The following INPP4B variants were observed in gnomAD, a reference collection of about 807,000 sequenced individuals.
INPP4B encodes the protein inositol polyphosphate-4-phosphatase type II B.
INPP4B carries 55 observed loss-of-function variants against 122.5 expected under a neutral mutation model. That is an observed-to-expected ratio of 0.45 (90% CI 0.36 to 0.56). The LOEUF (loss-of-function observed/expected upper bound fraction) is 0.56. Among genes scored for constraint, INPP4B ranks in the 20% least tolerant of loss-of-function variants. The pLI, the probability that INPP4B is intolerant of heterozygous loss-of-function variation, is 0.00. For synonymous variants in INPP4B, 403 were observed against 388.7 expected, an observed-to-expected ratio of 1.04 and a Z score of -0.43; for missense variants, 1,000 against 1,097.7, an observed-to-expected ratio of 0.91 and a Z score of 1.26.
intron 2 of INPP4B, among the ~76,000 whole-genome samples, chr4:142,567,432 G>A: frequency 6.6e-6 from 1 of 152,218 alleles, no homozygotes; most frequent in South Asian, 2.1e-4. Flanking sequence ...GGTGGTGAAA[G>A]TTGTTCTTTA....
chr4:142,252,986 G>T (rs576194798), intron 11 of INPP4B, among the ~76,000 whole-genome samples: 12 of 152,162 alleles, frequency 7.9e-5, no homozygotes, highest in Non-Finnish European at 1.5e-4. Flanking sequence ...ACACACCTAC[G>T]CTCCAGGGTA....
intron 9 of INPP4B, among the ~76,000 whole-genome samples, chr4:142,294,829 C>CAAAAGAAAAAAAAAAAA (rs1757907569): frequency 3.5e-5 from 1 of 28,462 alleles, no homozygotes. Context: ...GACTCCGTCT[C>CAAAAGAAAAAAAAAAAA]AAAAAAAAAA....
At chr4:142,100,115 G>T (rs1459594047) in intron 23 of INPP4B, among the ~76,000 whole-genome samples, 1 of 152,034 alleles carries the variant, frequency 6.6e-6, no homozygotes, top group Non-Finnish European at 1.5e-5. Context: ...CTGATCAATC[G>T]CTGATATGCC....
At chr4:142,834,594 T>C (rs1438997153) in intron 1 of INPP4B, among the ~76,000 whole-genome samples, 1 of 152,186 alleles carries the variant, frequency 6.6e-6, no homozygotes, top group Non-Finnish European at 1.5e-5. Flanking sequence ...TAAAATCTTC[T>C]CATTTTTTAT....
In INPP4B at chr4:142,431,208, T is replaced by G. The variant is rs941942858; in HGVS notation, c.52A>C (p.Thr18Pro). 1.2e-6 allele frequency: 2 copies of G among 1,613,434 alleles called. No individual in the cohort carries two copies. Among genetic ancestry groups the G allele is most frequent in the Non-Finnish European group, 1.7e-6 (2 of 1,179,470 alleles). ...TCCCCGGGATCATTGGCCTGGGCTG[T>G]AGGAAGAAAGTGCTGCCCTTCTTCT... Reference protein sequence around the residue: ...ASEEGQHFLPTAQANDPGDCQ... With the variant: ...ASEEGQHFLPPAQANDPGDCQ... Residue 18 changes from threonine (T) to proline (P), a missense_variant, in exon 4 of 26, where the codon ACA becomes CCA. Thr to Pro is a conservative substitution (Grantham distance 38). Coordinates refer to ENST00000262992, the MANE Select transcript of INPP4B (RefSeq NM_001101669.3).
chr4:142,784,408 T>TAAAAAAAA (rs772362201), intron 1 of INPP4B, among the ~76,000 whole-genome samples: 26 of 133,466 alleles, frequency 1.9e-4, no homozygotes, highest in Middle Eastern at 3.9e-3. Context: ...AATAAATAAA[T>TAAAAAAAA]AAAAATTAAA....
Position 142,663,892 on chromosome 4 carries a change from G to A in INPP4B, c.-191+61947C>T, listed in dbSNP as rs1316613434. On this transcript the variant is annotated intron_variant, in intron 2 of 25. Transcript: ENST00000262992. ...TGATGAATTATAGAAAGAAACTCAA[G>A]ATGTATTTTTAAAAAATGTTTGCTT... Among the ~76,000 whole-genome samples, 4 of 152,106 alleles carry A rather than the reference G, an allele frequency of 2.6e-5. No homozygotes were observed. The South Asian group carries it at 8.3e-4, about 32-fold the overall frequency.
At chr4:142,749,524 A>G (rs1475982351) in intron 1 of INPP4B, among the ~76,000 whole-genome samples, 1 of 151,596 alleles carries the variant, frequency 6.6e-6, no homozygotes, top group Admixed American at 6.6e-5. Flanking sequence ...CATCGTTTTA[A>G]GAATCCATTT....
chr4:142,479,987 C>G (rs1320616132), intron 2 of INPP4B, among the ~76,000 whole-genome samples: 1 of 152,100 alleles, frequency 6.6e-6, no homozygotes, highest in Non-Finnish European at 1.5e-5. Flanking sequence ...TCCTTCTTAA[C>G]TAATGTACAG....
intron 2 of INPP4B, among the ~76,000 whole-genome samples, chr4:142,491,392 A>G (rs1256386593): frequency 6.6e-6 from 1 of 152,150 alleles, no homozygotes; most frequent in East Asian, 1.9e-4. Context: ...GCCTCATTGA[A>G]AAATGGGCCA....
chr4:142,766,317 C>G (rs1442664114), intron 1 of INPP4B, among the ~76,000 whole-genome samples: 5 of 151,924 alleles, frequency 3.3e-5, no homozygotes, highest in African/African-American at 4.8e-5. Flanking sequence ...TTTTAAAAAT[C>G]ACCTGGACTC....
At chr4:142,764,432 C>G (rs1045225932) in intron 1 of INPP4B, among the ~76,000 whole-genome samples, 3 of 151,996 alleles carry the variant, frequency 2.0e-5, no homozygotes, top group Non-Finnish European at 4.4e-5. Context: ...GGCACAGCAC[C>G]ATACTGGGCT....
At chr4:142,359,701 T>C (rs1204650445) in intron 7 of INPP4B, among the ~76,000 whole-genome samples, 1 of 152,032 alleles carries the variant, frequency 6.6e-6, no homozygotes, top group East Asian at 1.9e-4. Context: ...ATAAGTAATG[T>C]TGAGAAGATA....
At chr4:142,334,060 T>A (rs1214888129) in intron 7 of INPP4B, among the ~76,000 whole-genome samples, 1 of 152,204 alleles carries the variant, frequency 6.6e-6, no homozygotes, top group African/African-American at 2.4e-5. Flanking sequence ...ATTCTAATTC[T>A]GTTCTGTTTC....
At chr4:142,813,662 T>A (rs1224556391) in intron 1 of INPP4B, among the ~76,000 whole-genome samples, 1 of 152,130 alleles carries the variant, frequency 6.6e-6, no homozygotes, top group Non-Finnish European at 1.5e-5. Flanking sequence ...AGATCTGAGC[T>A]AATAAAAAGT....
intron 2 of INPP4B, among the ~76,000 whole-genome samples, chr4:142,620,742 A>G (rs901848186): frequency 2.8e-4 from 42 of 152,086 alleles, no homozygotes; most frequent in Admixed American, 1.8e-3. Flanking sequence ...TTAGCAGCAG[A>G]GTCAAAAGAA....
At chr4:142,701,589 A>G (rs1390027840) in intron 2 of INPP4B, among the ~76,000 whole-genome samples, 1 of 152,090 alleles carries the variant, frequency 6.6e-6, no homozygotes, top group African/African-American at 2.4e-5. Context: ...CACCAAATAC[A>G]TATTAATATA....
chr4:142,472,180 C>T (rs545735904), intron 2 of INPP4B, among the ~76,000 whole-genome samples: 1 of 151,708 alleles, frequency 6.6e-6, no homozygotes, highest in South Asian at 2.1e-4. Context: ...GTATGTCTTA[C>T]TTAGTAAAGA....
chr4:142,675,831 T>C (rs1757679468), intron 2 of INPP4B, among the ~76,000 whole-genome samples: 1 of 152,146 alleles, frequency 6.6e-6, no homozygotes, highest in Non-Finnish European at 1.5e-5. Flanking sequence ...AAACTAGTTA[T>C]TTATGGAATG....
Sources: allele counts gnomAD v4.1 joint callset (sites outside exome capture counted in the v4.1 genomes callset), GRCh38; gene constraint gnomAD v4.1.1; transcripts MANE v1.5; gene names NCBI Gene and HGNC (gene_info 2026-07-23, HGNC 2026-07-21).